The following ZFHX3 variants were observed in gnomAD, a reference collection of about 807,000 sequenced individuals.
ZFHX3 encodes zinc finger homeobox 3, also known as zinc finger homeobox protein 3.
In ZFHX3, 42 loss-of-function variants were observed where a neutral mutation model predicts 279.1. The ratio of observed to expected loss-of-function variants is 0.15; its 90% confidence interval spans 0.12 to 0.19. The LOEUF (loss-of-function observed/expected upper bound fraction) is 0.19. Among genes scored for constraint, ZFHX3 ranks in the 10% least tolerant of loss-of-function variants. The pLI, the probability that ZFHX3 is intolerant of heterozygous loss-of-function variation, is 1.00. For missense variants in ZFHX3, 4,981 were observed against 4,754.0 expected, an observed-to-expected ratio of 1.05 and a Z score of -1.40; for synonymous variants, 2,293 against 1,957.8, an observed-to-expected ratio of 1.17 and a Z score of -4.52.
At chr16:73,103,144 C>G (rs1248785687) in intron 7 of ZFHX3, among the ~76,000 whole-genome samples, 2 of 152,114 alleles carry the variant, frequency 1.3e-5, no homozygotes, top group Non-Finnish European at 2.9e-5. Context: ...AAGCTGGTCT[C>G]GAACTCCTGA....
At chr16:73,550,058 G>C (rs1325182619) in intron 2 of ZFHX3, among the ~76,000 whole-genome samples, 2 of 152,022 alleles carry the variant, frequency 1.3e-5, no homozygotes, top group Non-Finnish European at 2.9e-5. Flanking sequence ...AGGGTGGAGG[G>C]GTGAGGGAAA....
chr16:73,881,504 G>A (rs1307572100), intron 1 of ZFHX3, among the ~76,000 whole-genome samples: 1 of 61,714 alleles, frequency 1.6e-5, no homozygotes, highest in Non-Finnish European at 3.6e-5. Flanking sequence ...CTCTGCCCAT[G>A]GTTACTGCTA....
At chr16:73,104,293 C>T (rs112019426) in intron 7 of ZFHX3, among the ~76,000 whole-genome samples, 21 of 152,192 alleles carry the variant, frequency 1.4e-4, no homozygotes, top group African/African-American at 3.9e-4. Context: ...TGCAGTAGCG[C>T]GATCTTAGTT....
chr16:73,362,326 G>T (rs1366897278), intron 3 of ZFHX3, among the ~76,000 whole-genome samples: 1 of 152,134 alleles, frequency 6.6e-6, no homozygotes, highest in Non-Finnish European at 1.5e-5. Context: ...CCTTATCCTG[G>T]GGCAGCCAAG....
At chr16:73,883,989 T>C (rs925549322) in intron 1 of ZFHX3, among the ~76,000 whole-genome samples, 3 of 152,172 alleles carry the variant, frequency 2.0e-5, no homozygotes, top group African/African-American at 4.8e-5. Flanking sequence ...CTTTTTCTTA[T>C]AATTGAACAA....
intron 2 of ZFHX3, among the ~76,000 whole-genome samples, chr16:73,625,678 T>A (rs1374769751): frequency 6.6e-6 from 1 of 152,166 alleles, no homozygotes; most frequent in African/African-American, 2.4e-5. Flanking sequence ...CAGCGGCATT[T>A]GTGTCACTTG....
At chr16:73,663,601 G>A (rs557552491) in intron 2 of ZFHX3, among the ~76,000 whole-genome samples, 109 of 152,208 alleles carry the variant, frequency 7.2e-4, no homozygotes, top group Non-Finnish European at 1.4e-3. Flanking sequence ...AAAGCAACAC[G>A]GGTTTGAAAG....
intron 1 of ZFHX3, among the ~76,000 whole-genome samples, chr16:73,710,039 C>G (rs1431981383): frequency 1.3e-5 from 2 of 151,762 alleles, no homozygotes; most frequent in African/African-American, 4.8e-5. Flanking sequence ...AAAAAATTGG[C>G]TGGTGTGGTA....
At chr16:72,941,340 G>C (rs1043155876) in intron 3 of ZFHX3, among the ~76,000 whole-genome samples, 1 of 152,190 alleles carries the variant, frequency 6.6e-6, no homozygotes, top group Non-Finnish European at 1.5e-5. Flanking sequence ...AATTTCTTTT[G>C]TTGGGAACCA....
chr16:72,794,712 T>C lies in ZFHX3; in HGVS notation c.7970A>G (p.Tyr2657Cys). The C allele has an allele frequency of 6.2e-7, 1 of 1,614,230 alleles. No homozygotes were observed. Among genetic ancestry groups the C allele is most frequent in the Non-Finnish European group, 8.5e-7 (1 of 1,180,040 alleles). ...TITPEQLEIL[Y>C]QKYLLDSNPT... The stretch of plus-strand genomic sequence containing the variant: ...ATTGGAATCCAGTAGATACTTCTGG[T>C]AGAGAATTTCTAGTTGTTCCGGTGT... Residue 2657 changes from tyrosine (Y) to cysteine (C), a missense_variant, in exon 9 of 10, where the codon TAC becomes TGC. Transcript: ENST00000268489. This position sits in a 1 kb window ranked among gnomAD's most constrained non-coding sequence, Gnocchi z 4.2.
intron 3 of ZFHX3, among the ~76,000 whole-genome samples, chr16:73,454,985 A>G (rs1298918132): frequency 2.0e-5 from 3 of 152,130 alleles, no homozygotes; most frequent in East Asian, 1.9e-4. Flanking sequence ...GAGAATGAAG[A>G]CCTTTTATGC....
At chr16:73,128,609 GACTGACCCAT>G (rs1231149925) in intron 7 of ZFHX3, among the ~76,000 whole-genome samples, 2 of 152,114 alleles carry the variant, frequency 1.3e-5, no homozygotes, top group Non-Finnish European at 2.9e-5. Context: ...AAATGACACT[GACTGACCCAT>G]ACTCAAGCAC....
chr16:73,433,917 G>A (rs748317380), intron 3 of ZFHX3, among the ~76,000 whole-genome samples: 1 of 152,224 alleles, frequency 6.6e-6, no homozygotes, highest in African/African-American at 2.4e-5. Flanking sequence ...TCATGGCACA[G>A]CCAGAGGGAG....
At chr16:73,155,279 T>C (rs1405735905) in intron 5 of ZFHX3, among the ~76,000 whole-genome samples, 1 of 151,538 alleles carries the variant, frequency 6.6e-6, no homozygotes, top group African/African-American at 2.4e-5. Flanking sequence ...CAAACCAAAA[T>C]AGCACATGCT....
chr16:73,457,744 C>T (rs1597342966), intron 2 of ZFHX3, among the ~76,000 whole-genome samples: 1 of 152,100 alleles, frequency 6.6e-6, no homozygotes, highest in Non-Finnish European at 1.5e-5. Context: ...CACTGCACTC[C>T]GGCCTGGGCA....
At chr16:73,886,429 C>T (rs910899232) in intron 1 of ZFHX3, among the ~76,000 whole-genome samples, 4 of 152,188 alleles carry the variant, frequency 2.6e-5, no homozygotes, top group East Asian at 1.9e-4. Flanking sequence ...AAAATAAGGG[C>T]GAAGATATTT....
chr16:73,679,984 GAA>G (rs1205787172), intron 2 of ZFHX3: 2 of 152,174 alleles, frequency 1.3e-5, no homozygotes, highest in Admixed American at 1.3e-4. Context: ...ATTCATGCCA[GAA>G]AGATACATAG....
intron 2 of ZFHX3, among the ~76,000 whole-genome samples, chr16:73,578,476 C>T: frequency 6.6e-6 from 1 of 151,896 alleles, no homozygotes; most frequent in Admixed American, 6.6e-5. Context: ...CTAGTTTGCT[C>T]AGAGGCTTTA....
chr16:73,542,424 G>T (rs1163548328), intron 2 of ZFHX3, among the ~76,000 whole-genome samples: 1 of 152,018 alleles, frequency 6.6e-6, no homozygotes, highest in Admixed American at 6.6e-5. Flanking sequence ...ACAGACACCT[G>T]TCCATTGTGA....
Sources: gnomAD v4.1 joint callset for allele counts (sites outside exome capture counted in the v4.1 genomes callset) on GRCh38, gnomAD v4.1.1 for gene constraint, Gnocchi (gnomAD v3.1) non-coding constraint, MANE v1.5 for transcripts, NCBI Gene and HGNC (gene_info 2026-07-23, HGNC 2026-07-21) for gene names.